FCHO2: variants seen among roughly 807,000 people sequenced by gnomAD.
FCHO2 encodes the protein F-BAR domain only protein 2.
FCHO2 carries 43 observed loss-of-function variants against 114.1 expected under a neutral mutation model. The ratio of observed to expected loss-of-function variants is 0.38; its 90% CI spans 0.30 to 0.49. The LOEUF is 0.49. FCHO2 is among the 20% of genes least tolerant of loss of function. The pLI, the probability that FCHO2 is intolerant of heterozygous loss-of-function variation, is 0.97. For synonymous variants in FCHO2, 293 were observed against 315.2 expected, an observed-to-expected ratio of 0.93 and a Z score of 0.75; for missense variants, 807 against 950.4, an observed-to-expected ratio of 0.85 and a Z score of 1.98.
At chr5:72,960,161 A>G (rs1246625380) in intron 1 of FCHO2, among the ~76,000 whole-genome samples, 4 of 152,290 alleles carry the variant, frequency 2.6e-5, no homozygotes, top group African/African-American at 2.4e-5. Flanking sequence ...TTGTTGTGAC[A>G]TTTCATTAGA....
In FCHO2 at chr5:72,969,516, G is replaced by A. The variant is rs73762233; in HGVS notation, c.125+927G>A. On this transcript the variant is annotated intron_variant, in intron 2 of 25. Transcript: ENST00000430046. ...CCGGGCTTCTACATTATCATTGGCA[G>A]GAGCAAAGGAAAGGCCGCAGAACTC... is the stretch of plus-strand genomic sequence containing the variant. 2.2e-3 allele frequency among the ~76,000 whole-genome samples: 330 copies of A among 152,316 alleles called. 1 individual carries two copies. The highest frequency in any genetic ancestry group is 7.3e-3 in the African/African-American group (303 of 41,570).
chr5:72,956,410 G>C (rs1232421608), intron 1 of FCHO2, among the ~76,000 whole-genome samples: 1 of 151,666 alleles, frequency 6.6e-6, no homozygotes, highest in Non-Finnish European at 1.5e-5. Context: ...GATGGGGCGG[G>C]AGACGGGACC....
intron 8 of FCHO2, among the ~76,000 whole-genome samples, chr5:73,029,491 A>G (rs1394560299): frequency 1.3e-5 from 2 of 152,194 alleles, no homozygotes; most frequent in African/African-American, 4.8e-5. Flanking sequence ...ATTTAAGACT[A>G]TAGTTTCTAA....
intron 8 of FCHO2, among the ~76,000 whole-genome samples, chr5:73,027,018 G>GTTTTTTTTTTTTTTTTTTTTTTTTT (rs1369730233): frequency 9.3e-6 from 1 of 107,126 alleles, no homozygotes; most frequent in African/African-American, 3.4e-5. Flanking sequence ...TTGTTTGTTT[G>GTTTTTTTTTTTTTTTTTTTTTTTTT]TTTTTTTTTT....
chr5:73,029,931 G>A (rs1163718310), intron 8 of FCHO2, among the ~76,000 whole-genome samples: 1 of 152,060 alleles, frequency 6.6e-6, no homozygotes, highest in Admixed American at 6.5e-5. Flanking sequence ...GATTTGGAGG[G>A]TACAGACATC....
At chr5:72,972,470 G>A (rs1007915684) in intron 2 of FCHO2, among the ~76,000 whole-genome samples, 10 of 152,116 alleles carry the variant, frequency 6.6e-5, no homozygotes, top group African/African-American at 1.9e-4. Flanking sequence ...GCAATTGTGA[G>A]TGGGAGTTCA....
Position 73,088,230 on chromosome 5 carries a change from G to T in FCHO2, c.*140G>T. The T allele has an allele frequency of 3.6e-6, 4 of 1,106,224 alleles. No homozygotes were observed. The highest frequency in any genetic ancestry group is 1.4e-5 in the South Asian group (1 of 69,272). 68.5% of individuals were successfully genotyped at this position (1,106,224 alleles called of 1,614,324 possible). The stretch of plus-strand genomic sequence containing the variant: ...GAGAGCTGACTACAAACATTAAATC[G>T]CACTTTTAAAGTGAGTCATTGAAAT... On this transcript the variant is annotated 3_prime_UTR_variant, in exon 26 of 26. Coordinates refer to ENST00000430046, the MANE Select transcript of FCHO2 (RefSeq NM_138782.3).
intron 2 of FCHO2, among the ~76,000 whole-genome samples, chr5:72,974,234 C>G (rs1752733862): frequency 7.2e-6 from 1 of 138,928 alleles, no homozygotes; most frequent in African/African-American, 2.7e-5. Context: ...TGGTGCAGAG[C>G]TGAGTTCAAT....
At chr5:72,978,834 G>T (rs886181116) in intron 2 of FCHO2, among the ~76,000 whole-genome samples, 1 of 152,064 alleles carries the variant, frequency 6.6e-6, no homozygotes, top group African/African-American at 2.4e-5. Flanking sequence ...GCTGAATTTT[G>T]TTGAAGGCCT....
At chr5:72,968,706 A>G (rs1028736306) in intron 2 of FCHO2, 117 bp downstream of exon 2, 2 of 700,964 alleles carry the variant, frequency 2.9e-6, no homozygotes, top group Admixed American at 3.8e-5. Flanking sequence ...GTTTTAAAAT[A>G]TGTACTGTAA....
intron 4 of FCHO2, 23 bp downstream of exon 4, chr5:72,990,642 ATAAT>A: frequency 2.0e-6 from 3 of 1,527,754 alleles, no homozygotes; most frequent in African/African-American, 1.4e-5. Flanking sequence ...TTCTTGTTAA[ATAAT>A]TGATTGGTCA....
At chr5:73,068,355 T>C (rs1158634371) in intron 18 of FCHO2, among the ~76,000 whole-genome samples, 3 of 152,082 alleles carry the variant, frequency 2.0e-5, no homozygotes, top group Non-Finnish European at 4.4e-5. Flanking sequence ...GGGAAGAACG[T>C]TTATACTGTT....
intron 6 of FCHO2, among the ~76,000 whole-genome samples, chr5:73,008,982 A>G (rs1754857669): frequency 6.6e-6 from 1 of 152,246 alleles, no homozygotes; most frequent in South Asian, 2.1e-4. Context: ...GTCAGTACAC[A>G]AAGCCATGAT....
chr5:73,054,996 A>G (rs904953092), intron 15 of FCHO2: 1 of 271,610 alleles, frequency 3.7e-6, no homozygotes, highest in South Asian at 3.7e-5. Flanking sequence ...AGAATCATGC[A>G]TTAAAAATAA....
intron 15 of FCHO2, chr5:73,055,087 T>C: frequency 2.6e-6 from 1 of 383,812 alleles, no homozygotes. Context: ...ACAGAAACTT[T>C]AACATCAGTT....
chr5:73,060,768 GTGT>G (rs200600996), intron 17 of FCHO2, among the ~76,000 whole-genome samples: 2,558 of 152,078 alleles, frequency 0.017, 68 homozygotes, highest in South Asian at 0.054. Flanking sequence ...AAGAATCCCA[GTGT>G]TGTTACATGT....
At chr5:73,068,524 C>A in intron 18 of FCHO2, 126 bp from the exon 19 acceptor site, 2 of 877,506 alleles carry the variant, frequency 2.3e-6, no homozygotes, top group Non-Finnish European at 3.4e-6. Flanking sequence ...ATCTCTGATA[C>A]TAAGTTACAA....
chr5:72,957,596 A>C (rs1011294007), intron 1 of FCHO2, among the ~76,000 whole-genome samples: 4 of 152,238 alleles, frequency 2.6e-5, no homozygotes, highest in Admixed American at 2.0e-4. Context: ...TATTTATCCA[A>C]TCAGTGATGG....
chr5:72,962,516 A>G (rs1264609748), intron 1 of FCHO2, among the ~76,000 whole-genome samples: 1 of 152,154 alleles, frequency 6.6e-6, no homozygotes, highest in East Asian at 1.9e-4. Flanking sequence ...TAGAAATTCA[A>G]ATGGAAATAG....
Sources: allele counts gnomAD v4.1 joint callset (sites outside exome capture counted in the v4.1 genomes callset), GRCh38; gene constraint gnomAD v4.1.1; transcripts MANE v1.5; gene names NCBI Gene and HGNC (gene_info 2026-07-23, HGNC 2026-07-21).